Variants in TMEM132D observed in about 807,000 individuals in gnomAD.
TMEM132D encodes the protein mature OL transmembrane protein.
A neutral mutation model predicts 62.3 loss-of-function variants in TMEM132D; 21 were observed. The observed-to-expected ratio is 0.34, with a 90% confidence interval of 0.24 to 0.49. TMEM132D has a LOEUF of 0.49. Ranked by LOEUF, TMEM132D falls within the 20% of genes least tolerant of loss-of-function variation. The pLI is 0.99. For synonymous variants in TMEM132D, 621 were observed against 575.6 expected (o/e 1.08, Z -1.13); for missense variants, 1,346 against 1,402.8 (o/e 0.96, Z 0.65).
rs781497784 is a variant in TMEM132D at position 129,074,409 on chromosome 12, A to G, written c.2766T>C (p.Ala922=). 11 of 1,613,952 alleles carry G rather than the reference A, an allele frequency of 6.8e-6. No homozygotes were observed. Among genetic ancestry groups the G allele is most frequent in the Non-Finnish European group, 9.3e-6 (11 of 1,180,030 alleles). ...GLSDLEIGMY[A]LLGVFCLAIL... is the part of the protein sequence containing the mutation. ...TGGCCAAACAGAAGACTCCCAACAA[A>G]GCATACATCCCAATTTCTAAGTCGC... Residue 922 remains alanine, a synonymous_variant, in exon 9 of 9, where the codon GCT becomes GCC. Coordinates refer to ENST00000422113, the MANE Select transcript of TMEM132D (RefSeq NM_133448.3).
chr12:129,397,347 G>A (rs541249148), intron 3 of TMEM132D, among the ~76,000 whole-genome samples: 1 of 152,246 alleles, frequency 6.6e-6, no homozygotes, highest in East Asian at 1.9e-4. Flanking sequence ...TTTGTCACTT[G>A]GGTTCAGAAA....
At chr12:129,102,540 C>T (rs1422327078) in intron 5 of TMEM132D, among the ~76,000 whole-genome samples, 2 of 152,084 alleles carry the variant, frequency 1.3e-5, no homozygotes, top group Non-Finnish European at 2.9e-5. Flanking sequence ...CACACACACA[C>T]ATGCACACAC....
At chr12:129,400,159 T>C (rs1216127520) in intron 3 of TMEM132D, among the ~76,000 whole-genome samples, 1 of 151,818 alleles carries the variant, frequency 6.6e-6, no homozygotes, top group African/African-American at 2.4e-5. Context: ...GTCCCAGAAA[T>C]AAGTGAGGCC....
chr12:129,720,832 A>C (rs1285358256), intron 1 of TMEM132D, among the ~76,000 whole-genome samples: 4 of 152,214 alleles, frequency 2.6e-5, no homozygotes, highest in Admixed American at 2.6e-4. Flanking sequence ...ATCACCTATA[A>C]ATCAATAATC....
chr12:129,412,834 C>A (rs1872007543), intron 3 of TMEM132D, among the ~76,000 whole-genome samples: 1 of 152,134 alleles, frequency 6.6e-6, no homozygotes, highest in Admixed American at 6.5e-5. Context: ...GCCTGGGAAA[C>A]AAGAACAAAA....
intron 3 of TMEM132D, among the ~76,000 whole-genome samples, chr12:129,517,030 T>C (rs1170896263): frequency 6.6e-6 from 1 of 152,288 alleles, no homozygotes; most frequent in African/African-American, 2.4e-5. Flanking sequence ...ATGGGACCCA[T>C]CAGATTAGTC....
rs188776656 is a variant in TMEM132D, at chr12:129,094,161, A to G, written c.1444-9459T>C. ...CTAAAACACCAAAAGCAATGGCAGC[A>G]AAAGCCAAAATTGACAAATGGAATC... On this transcript the variant is annotated intron_variant, in intron 5 of 8. Coordinates refer to ENST00000422113, the MANE Select transcript of TMEM132D (RefSeq NM_133448.3). Among the ~76,000 whole-genome samples the G allele has an allele frequency of 3.4e-3, 525 of 152,318 alleles. 11 individuals carry two copies. Among genetic ancestry groups the G allele is most frequent in the East Asian group, 4.0e-3 (21 of 5,186 alleles).
chr12:129,465,510 C>T (rs1229723360), intron 3 of TMEM132D, among the ~76,000 whole-genome samples: 2 of 152,080 alleles, frequency 1.3e-5, no homozygotes, highest in East Asian at 1.9e-4. Flanking sequence ...TCAAATTGTC[C>T]CTGTTTGCAG....
chr12:129,172,188 A>T (rs1156408743), intron 5 of TMEM132D, among the ~76,000 whole-genome samples: 3 of 152,168 alleles, frequency 2.0e-5, no homozygotes, highest in Non-Finnish European at 4.4e-5. Flanking sequence ...AACCTCATGA[A>T]CCAATGTCTG....
chr12:129,566,666 T>C (rs754007520), intron 2 of TMEM132D, among the ~76,000 whole-genome samples: 37 of 152,322 alleles, frequency 2.4e-4, no homozygotes, highest in Non-Finnish European at 2.9e-5. Context: ...GTGGGGAAAA[T>C]CTACATTCTG....
intron 3 of TMEM132D, among the ~76,000 whole-genome samples, chr12:129,487,040 G>C (rs373981968): frequency 1.4e-4 from 21 of 151,894 alleles, no homozygotes; most frequent in African/African-American, 3.4e-4. Context: ...ATGGGGGGGG[G>C]GGTTGTGGGT....
At chr12:129,317,951 G>A (rs556085319) in intron 4 of TMEM132D, among the ~76,000 whole-genome samples, 4 of 152,008 alleles carry the variant, frequency 2.6e-5, no homozygotes, top group African/African-American at 9.6e-5. Context: ...ACTTTCCAGG[G>A]CATTTCACAT....
At chr12:129,092,367 C>T (rs1181363442) in intron 5 of TMEM132D, among the ~76,000 whole-genome samples, 1 of 148,610 alleles carries the variant, frequency 6.7e-6, no homozygotes, top group Non-Finnish European at 1.5e-5. Context: ...TTTTTTTCCC[C>T]TCAAACTTTG....
At chr12:129,351,312 G>A (rs1869854448) in intron 3 of TMEM132D, among the ~76,000 whole-genome samples, 1 of 152,132 alleles carries the variant, frequency 6.6e-6, no homozygotes, top group Non-Finnish European at 1.5e-5. Flanking sequence ...GCATCTCAGT[G>A]GTTCTATCCG....
intron 1 of TMEM132D, among the ~76,000 whole-genome samples, chr12:129,706,198 C>A (rs889720699): frequency 2.6e-5 from 4 of 151,686 alleles, no homozygotes; most frequent in African/African-American, 4.8e-5. Flanking sequence ...CTCGAGCTGG[C>A]TCAAAAGTTA....
intron 4 of TMEM132D, among the ~76,000 whole-genome samples, chr12:129,309,854 A>G (rs1566028969): frequency 6.6e-6 from 1 of 152,186 alleles, no homozygotes; most frequent in Non-Finnish European, 1.5e-5. Flanking sequence ...ATTTAAAAAA[A>G]AACTATAAGA....
At chr12:129,586,121 T>C (rs1242144453) in intron 2 of TMEM132D, among the ~76,000 whole-genome samples, 1 of 152,158 alleles carries the variant, frequency 6.6e-6, no homozygotes. Context: ...TTCACCTTAG[T>C]TCTTCCTGCC....
chr12:129,280,900 T>C (rs1881124998), intron 4 of TMEM132D, among the ~76,000 whole-genome samples: 1 of 152,070 alleles, frequency 6.6e-6, no homozygotes, highest in Admixed American at 6.6e-5. Context: ...TCTAGTATGA[T>C]GTCAACTTTT....
chr12:129,556,816 A>G (rs1303343342), intron 2 of TMEM132D, among the ~76,000 whole-genome samples: 1 of 152,186 alleles, frequency 6.6e-6, no homozygotes, highest in Non-Finnish European at 1.5e-5. Context: ...GGGGGTTCCC[A>G]TATTAGACGG....
Sources: allele counts gnomAD v4.1 joint callset (sites outside exome capture counted in the v4.1 genomes callset), GRCh38; gene constraint gnomAD v4.1.1; transcripts MANE v1.5; gene names NCBI Gene and HGNC (gene_info 2026-07-23, HGNC 2026-07-21).